FBXO40: variants seen among roughly 807,000 people sequenced by gnomAD.
FBXO40 encodes F-box protein 40.
Under a neutral mutation model 49.9 loss-of-function variants are expected in FBXO40, and 50 were observed. The observed-to-expected ratio is 1.00, with a 90% CI of 0.80 to 1.27. The LOEUF is 1.27. Ranked by LOEUF, FBXO40 falls within the 50% of genes most tolerant of loss-of-function variation. The probability of loss-of-function intolerance (pLI) is 0.00; values close to 1 mark genes in which losing one functional copy is unlikely to be tolerated. For missense variants in FBXO40, 895 were observed against 870.1 expected (o/e 1.03, Z -0.36); for synonymous variants, 340 against 320.2 (o/e 1.06, Z -0.66).
At chr3:121,606,008 A>G (rs1287640180) in intron 1 of FBXO40, among the ~76,000 whole-genome samples, 1 of 152,222 alleles carries the variant, frequency 6.6e-6, no homozygotes, top group African/African-American at 2.4e-5. Context: ...CCCAAAATAG[A>G]CACAAATAAA....
intron 1 of FBXO40, among the ~76,000 whole-genome samples, chr3:121,593,952 A>T (rs1317777900): frequency 6.6e-6 from 1 of 151,732 alleles, no homozygotes; most frequent in East Asian, 1.9e-4. Flanking sequence ...TGCAGCCCCT[A>T]CCTCCCAGGT....
chr3:121,627,784 C>T lies in FBXO40; in HGVS notation c.*874C>T, dbSNP rs762992663. ...GCCACCCTGTGCTATCTGAAATGAC[C>T]TCAATACACTAATGCCAACCTCAGC... On this transcript the variant is annotated 3_prime_UTR_variant, in exon 4 of 4. Coordinates refer to ENST00000338040, the MANE Select transcript of FBXO40 (RefSeq NM_016298.4). The T allele has an allele frequency of 6.3e-5, 25 of 398,450 alleles. No individual in the cohort carries two copies. Among genetic ancestry groups the T allele is most frequent in the Non-Finnish European group, 9.3e-5 (21 of 226,068 alleles). 24.7% of individuals were successfully genotyped at this position (398,450 alleles called of 1,614,324 possible). A position where few individuals can be genotyped will look rare whatever the true frequency, so the allele number is the denominator to read the frequency against.
chr3:121,600,207 T>TC (rs1328065728), intron 1 of FBXO40, among the ~76,000 whole-genome samples: 1 of 148,528 alleles, frequency 6.7e-6, no homozygotes, highest in African/African-American at 2.5e-5. Context: ...TTTTTTTTTT[T>TC]TTTTTTTTTT....
rs186228165 is a variant in FBXO40 at position 121,627,595 on chromosome 3, C to T, written c.*685C>T. 403 of 355,228 alleles carry T rather than the reference C, an allele frequency of 1.1e-3. 6 individuals carry two copies. The highest frequency in any genetic ancestry group is 2.2e-4 in the Non-Finnish European group (43 of 199,452). The allele number at this position is 355,228 out of a possible 1,614,324, so 22.0% of individuals were successfully genotyped here. A position where few individuals can be genotyped will look rare whatever the true frequency, so the allele number is the denominator to read the frequency against. ...ATCTTGGCAACATACAGCAGGAAAG[C>T]CTTGATAAATCGGGAGTCCAAAGGA... is the stretch of plus-strand genomic sequence containing the variant. On this transcript the variant is annotated 3_prime_UTR_variant, in exon 4 of 4. Transcript: ENST00000338040.
rs2049042924 is a variant in FBXO40 at position 121,623,034 on chromosome 3, C to T, written c.1605C>T (p.Ile535=). Residue 535 remains isoleucine, a synonymous_variant, in exon 3 of 4, where the codon ATC becomes ATT. Coordinates refer to ENST00000338040, the MANE Select transcript of FBXO40 (RefSeq NM_016298.4). ...FRPPGQKAKV[I]YSQELKTFAI... ...CCCCAGGGCAAAAGGCAAAAGTAAT[C>T]TATAGCCAGGAGCTCAAGACCTTTG... 6.2e-7 allele frequency: 1 copy of T among 1,614,196 alleles called. No homozygotes were observed.
chr3:121,628,474 T>C lies in FBXO40; in HGVS notation c.*1564T>C, dbSNP rs747856695. The stretch of plus-strand genomic sequence containing the variant: ...ACTGCGCCCTGCCTGAACTGGATAA[T>C]TCTTTGTTGCAAGGGACTGTTCTGT... On this transcript the variant is annotated 3_prime_UTR_variant, in exon 4 of 4. Transcript: ENST00000338040. The C allele has an allele frequency of 2.6e-5, 4 of 152,220 alleles. No homozygotes were observed. The highest frequency in any genetic ancestry group is 6.5e-5 in the Admixed American group (1 of 15,284). The allele number at this position is 152,220 out of a possible 1,614,324, so 9.4% of individuals were successfully genotyped here. A position where few individuals can be genotyped will look rare whatever the true frequency, so the allele number is the denominator to read the frequency against.
In FBXO40 at chr3:121,630,054, T is replaced by C. The variant is rs1052542172; in HGVS notation, c.*3144T>C. 5 of 152,198 alleles carry C rather than the reference T, an allele frequency of 3.3e-5. No individual in the cohort carries two copies. The highest frequency in any genetic ancestry group is 3.3e-4 in the Admixed American group (5 of 15,278). 9.4% of individuals were successfully genotyped at this position (152,198 alleles called of 1,614,324 possible). A position where few individuals can be genotyped will look rare whatever the true frequency, so the allele number is the denominator to read the frequency against. On this transcript the variant is annotated 3_prime_UTR_variant, in exon 4 of 4. Transcript: ENST00000338040. The stretch of plus-strand genomic sequence containing the variant: ...AGAACTGGGCCAGAGAGGACCTTAC[T>C]GCCTTAGTAGCATAAGGGTCTGGAA...
Position 121,622,630 on chromosome 3 carries a change from C to T in FBXO40, c.1201C>T (p.Gln401Ter). 1 of 1,614,208 alleles carries T rather than the reference C, an allele frequency of 6.2e-7. No homozygotes were observed. Among genetic ancestry groups the T allele is most frequent in the Non-Finnish European group, 8.5e-7 (1 of 1,180,038 alleles). ...ATCAGATCTCATCAAGACCACCCTCCAGTGTGCTTTGGAAAGAGAACTCAA... is the reference window on the plus strand; with the variant it reads ...ATCAGATCTCATCAAGACCACCCTCTAGTGTGCTTTGGAAAGAGAACTCAA... Reference protein sequence around the residue: ...PKSDLIKTTLQCALERELKGH... With the variant: ...PKSDLIKTTL The change falls in exon 3 of 4, where the codon CAG becomes TAG. Residue 401 changes from glutamine to a stop codon, truncating the protein, a stop_gained. Coordinates refer to ENST00000338040, the MANE Select transcript of FBXO40 (RefSeq NM_016298.4). LOFTEE classifies it high-confidence loss of function.
chr3:121,625,657 G>C (rs2049058210), intron 3 of FBXO40, among the ~76,000 whole-genome samples: 1 of 152,070 alleles, frequency 6.6e-6, no homozygotes, highest in African/African-American at 2.4e-5. Context: ...ATTATTTTTT[G>C]GCTCAAGTTT....
intron 1 of FBXO40, among the ~76,000 whole-genome samples, chr3:121,618,374 T>G (rs1172359734): frequency 1.4e-5 from 2 of 145,540 alleles, no homozygotes; most frequent in Non-Finnish European, 3.0e-5. Flanking sequence ...CAGCTTATTT[T>G]CTTTCCTTCT....
intron 1 of FBXO40, among the ~76,000 whole-genome samples, chr3:121,608,458 T>C (rs2048947122): frequency 6.6e-6 from 1 of 152,236 alleles, no homozygotes; most frequent in South Asian, 2.1e-4. Context: ...GGCTCATCTC[T>C]TAAGTTTGGC....
chr3:121,623,219 C>T lies in FBXO40; in HGVS notation c.1790C>T (p.Ser597Phe). The T allele has an allele frequency of 6.2e-7, 1 of 1,614,204 alleles. No individual in the cohort carries two copies. Among genetic ancestry groups the T allele is most frequent in the Admixed American group, 1.7e-5 (1 of 60,024 alleles). ...FLDSVSLAQL[S>F]QVSVLMRNIC... ...GACAGCGTCAGCCTGGCCCAGCTCT[C>T]CCAGGTGTCTGTGCTGATGAGGAAT... The change falls in exon 3 of 4, where the codon TCC becomes TTC. Residue 597 changes from serine to phenylalanine, a missense_variant. By Grantham distance (155) the Ser-to-Phe change is radical (BLOSUM62 -2). Transcript: ENST00000338040.
rs1439837603 is a variant in FBXO40, at chr3:121,630,001, T to C, written c.*3091T>C. ...CAAGAAAGGCAGTCCAGAGTAGAGA[T>C]CAGCCGAATATGGAGGCTGAGGTCT... On this transcript the variant is annotated 3_prime_UTR_variant, in exon 4 of 4. Coordinates refer to ENST00000338040, the MANE Select transcript of FBXO40 (RefSeq NM_016298.4). 2.0e-5 allele frequency: 3 copies of C among 152,076 alleles called. No homozygotes were observed. The highest frequency in any genetic ancestry group is 7.2e-5 in the African/African-American group (3 of 41,394). 9.4% of individuals were successfully genotyped at this position (152,076 alleles called of 1,614,324 possible). A position where few individuals can be genotyped will look rare whatever the true frequency, so the allele number is the denominator to read the frequency against.
chr3:121,612,658 C>T (rs1347751547), intron 1 of FBXO40, among the ~76,000 whole-genome samples: 2 of 152,120 alleles, frequency 1.3e-5, no homozygotes, highest in African/African-American at 4.8e-5. Context: ...TTTCTCCACA[C>T]TTAGTTTCCC....
At chr3:121,618,386 G>GT (rs34900150) in intron 1 of FBXO40, among the ~76,000 whole-genome samples, 79,976 of 120,232 alleles carry the variant, frequency 0.67, 27,282 homozygotes, top group East Asian at 0.9. Context: ...TTTCCTTCTT[G>GT]TTTTTTTTTT....
rs549329473 is a variant in FBXO40, at chr3:121,621,835, G to A, written c.406G>A (p.Val136Ile). Reference protein sequence around the residue: ...DTALALQDQKVLFRSLKMVEL... With the variant: ...DTALALQDQKILFRSLKMVEL... Reference sequence around the variant, plus strand: ...AGCCCTGGCCCTGCAGGATCAGAAGGTCCTCTTCAGATCCTTGAAAATGGT... The same window carrying A: ...AGCCCTGGCCCTGCAGGATCAGAAGATCCTCTTCAGATCCTTGAAAATGGT... Residue 136 changes from valine (V) to isoleucine (I), a missense_variant, in exon 3 of 4, where the codon GTC becomes ATC. Val to Ile is a conservative substitution (Grantham distance 29, BLOSUM62 3). Transcript: ENST00000338040. 4.3e-6 allele frequency: 7 copies of A among 1,614,064 alleles called. No homozygotes were observed. Among genetic ancestry groups the A allele is most frequent in the South Asian group, 3.3e-5 (3 of 91,094 alleles).
intron 1 of FBXO40, among the ~76,000 whole-genome samples, chr3:121,596,226 C>T (rs1275987736): frequency 6.6e-6 from 1 of 152,196 alleles, no homozygotes; most frequent in Non-Finnish European, 1.5e-5. Context: ...AAGCTGCCAA[C>T]ATGCCTTGGC....
At chr3:121,594,387 GAT>G (rs2048859630) in intron 1 of FBXO40, among the ~76,000 whole-genome samples, 1 of 151,750 alleles carries the variant, frequency 6.6e-6, no homozygotes, top group African/African-American at 2.4e-5. Context: ...TTTTAGTAGA[GAT>G]GGGGTTTCAC....
chr3:121,615,002 G>A (rs951193991), intron 1 of FBXO40, among the ~76,000 whole-genome samples: 3 of 152,086 alleles, frequency 2.0e-5, no homozygotes, highest in Non-Finnish European at 4.4e-5. Flanking sequence ...GGTGGATCAC[G>A]AGGTCAGGAG....
Sources: allele counts gnomAD v4.1 joint callset (sites outside exome capture counted in the v4.1 genomes callset), GRCh38; gene constraint gnomAD v4.1.1; transcripts MANE v1.5; gene names NCBI Gene and HGNC (gene_info 2026-07-23, HGNC 2026-07-21).